MED13L: variants seen among roughly 807,000 people sequenced by gnomAD.
MED13L encodes the protein mediator complex subunit 13L.
In MED13L, 7 loss-of-function variants were observed where a neutral mutation model predicts 220.9. The ratio of observed to expected loss-of-function variants is 0.03; its 90% CI spans 0.02 to 0.06. MED13L has a LOEUF of 0.06. MED13L is among the 10% of genes least tolerant of loss of function. The pLI is 1.00. For missense variants in MED13L, 1,965 were observed against 2,760.5 expected, an observed-to-expected ratio of 0.71 and a Z score of 6.46; for synonymous variants, 1,011 against 1,015.2, an observed-to-expected ratio of 1.00 and a Z score of 0.08.
At chr12:116,145,536 T>C (rs1056167841) in intron 2 of MED13L, among the ~76,000 whole-genome samples, 2 of 152,146 alleles carry the variant, frequency 1.3e-5, no homozygotes, top group African/African-American at 4.8e-5. Flanking sequence ...CACTCTGTCA[T>C]TCAGGCTGGA....
chr12:116,167,886 T>C (rs927093637), intron 2 of MED13L, among the ~76,000 whole-genome samples: 1 of 152,194 alleles, frequency 6.6e-6, no homozygotes, highest in Non-Finnish European at 1.5e-5. Flanking sequence ...TCTATATGAA[T>C]CAACAAACAA....
chr12:116,214,835 A>G (rs1417093880), intron 2 of MED13L, among the ~76,000 whole-genome samples: 1 of 151,976 alleles, frequency 6.6e-6, no homozygotes, highest in South Asian at 2.1e-4. Context: ...TTTTATTGCC[A>G]AAAAAAATTC....
chr12:116,020,079 A>G, intron 5 of MED13L, 107 bp from the exon 6 acceptor site: 1 of 965,230 alleles, frequency 1.0e-6, no homozygotes, highest in Non-Finnish European at 1.6e-6. Context: ...CTTAATGTGC[A>G]TTGTTCTTTA....
rs567942831 is a variant in MED13L at position 116,070,481 on chromosome 12, A to G, written c.479+26188T>C. Among the ~76,000 whole-genome samples, 4 of 152,352 alleles carry G rather than the reference A, an allele frequency of 2.6e-5. No homozygotes were observed. The East Asian group carries it at 7.7e-4, about 29-fold the overall frequency. On this transcript the variant is annotated intron_variant, in intron 4 of 30. Coordinates refer to ENST00000281928, the MANE Select transcript of MED13L (RefSeq NM_015335.5). The stretch of plus-strand genomic sequence containing the variant: ...CTCTCTTTTACAGATGAACTAAAAC[A>G]GAGAGGTTAAATAACTTTTACTTCT...
intron 2 of MED13L, among the ~76,000 whole-genome samples, chr12:116,138,975 G>GA (rs1876823218): frequency 6.6e-6 from 1 of 152,178 alleles, no homozygotes; most frequent in South Asian, 2.1e-4. Flanking sequence ...TTTGGTTAAT[G>GA]AAGGACACCA....
At chr12:116,083,337 G>A (rs1593023176) in intron 4 of MED13L, among the ~76,000 whole-genome samples, 1 of 150,150 alleles carries the variant, frequency 6.7e-6, no homozygotes, top group Admixed American at 6.7e-5. Flanking sequence ...CCGGCATGGA[G>A]GCTGCAGTGA....
At chr12:116,045,206 G>A (rs953818180) in intron 4 of MED13L, among the ~76,000 whole-genome samples, 6 of 152,114 alleles carry the variant, frequency 3.9e-5, no homozygotes, top group South Asian at 2.1e-4. Flanking sequence ...TGTTCAAAAC[G>A]ATAATAAAAT....
intron 2 of MED13L, among the ~76,000 whole-genome samples, chr12:116,193,580 C>T (rs888529087): frequency 2.0e-5 from 3 of 147,752 alleles, no homozygotes; most frequent in African/African-American, 7.5e-5. Flanking sequence ...CAAATCTGGT[C>T]AAGATGAAGA....
At chr12:116,133,588 AAGATAGCTC>A (rs1462395707) in intron 2 of MED13L, among the ~76,000 whole-genome samples, 27 of 152,116 alleles carry the variant, frequency 1.8e-4, no homozygotes, top group Non-Finnish European at 8.8e-5. Context: ...ATATTTTCCA[AAGATAGCTC>A]ACAATATATC....
intron 2 of MED13L, among the ~76,000 whole-genome samples, chr12:116,204,234 T>A (rs1209665233): frequency 6.6e-6 from 1 of 152,198 alleles, no homozygotes; most frequent in Non-Finnish European, 1.5e-5. Context: ...AATCTATCAA[T>A]CTTTCTACTT....
At chr12:116,221,274 C>T (rs1868410795) in intron 2 of MED13L, among the ~76,000 whole-genome samples, 1 of 151,118 alleles carries the variant, frequency 6.6e-6, no homozygotes, top group Non-Finnish European at 1.5e-5. Flanking sequence ...ACCCACAAGG[C>T]TGAGGTGGGA....
intron 2 of MED13L, among the ~76,000 whole-genome samples, chr12:116,172,227 T>C (rs1334559642): frequency 6.6e-6 from 1 of 152,118 alleles, no homozygotes; most frequent in Non-Finnish European, 1.5e-5. Context: ...AATCAATGAC[T>C]CTAAAAAAGA....
chr12:116,138,031 T>C (rs1425083097), intron 2 of MED13L, among the ~76,000 whole-genome samples: 2 of 151,988 alleles, frequency 1.3e-5, no homozygotes, highest in Non-Finnish European at 2.9e-5. Flanking sequence ...TAATTTTGTA[T>C]TTTTAGTAGA....
intron 9 of MED13L, among the ~76,000 whole-genome samples, chr12:116,011,046 T>C (rs1879366355): frequency 1.3e-5 from 2 of 151,882 alleles, no homozygotes; most frequent in Non-Finnish European, 2.9e-5. Context: ...CTGGCTAATT[T>C]GTGTTTTTGT....
At chr12:116,238,521 A>G (rs1870311802) in intron 1 of MED13L, among the ~76,000 whole-genome samples, 1 of 152,258 alleles carries the variant, frequency 6.6e-6, no homozygotes, top group Non-Finnish European at 1.5e-5. Context: ...CTACAGCTAT[A>G]TATTGAAAAC....
At chr12:116,204,767 T>A (rs1882210985) in intron 2 of MED13L, among the ~76,000 whole-genome samples, 1 of 152,216 alleles carries the variant, frequency 6.6e-6, no homozygotes, top group Non-Finnish European at 1.5e-5. Context: ...TGTCTGTAGA[T>A]CCCTATCTGT....
At chr12:116,229,232 T>A (rs1244763291) in intron 2 of MED13L, among the ~76,000 whole-genome samples, 1 of 152,184 alleles carries the variant, frequency 6.6e-6, no homozygotes, top group Non-Finnish European at 1.5e-5. Context: ...ATCATAAAAA[T>A]TACTCACATT....
intron 2 of MED13L, among the ~76,000 whole-genome samples, chr12:116,138,871 T>C (rs1876811092): frequency 6.6e-6 from 1 of 152,214 alleles, no homozygotes; most frequent in Non-Finnish European, 1.5e-5. Flanking sequence ...CTTTAGTATT[T>C]AAGATGAAAG....
At chr12:115,968,200 A>T (rs561401956) in intron 28 of MED13L, among the ~76,000 whole-genome samples, 9 of 152,194 alleles carry the variant, frequency 5.9e-5, no homozygotes, top group African/African-American at 2.2e-4. Flanking sequence ...GTCTCATAAC[A>T]TTTTAAATAA....
Sources: allele counts gnomAD v4.1 joint callset (sites outside exome capture counted in the v4.1 genomes callset), GRCh38; gene constraint gnomAD v4.1.1; transcripts MANE v1.5; gene names NCBI Gene and HGNC (gene_info 2026-07-23, HGNC 2026-07-21).